RIMBP2: variants seen among roughly 807,000 people sequenced by gnomAD.
RIMBP2 encodes the protein RIMS binding protein 2.
Under a neutral mutation model 118.6 loss-of-function variants are expected in RIMBP2, and 48 were observed. That is an observed-to-expected ratio of 0.40 (90% CI 0.32 to 0.51). The LOEUF is 0.51. RIMBP2 is among the 20% of genes least tolerant of loss of function. RIMBP2 has a pLI of 0.41. For missense variants in RIMBP2, 1,551 were observed against 1,768.3 expected, an observed-to-expected ratio of 0.88 and a Z score of 2.20; for synonymous variants, 762 against 742.9, an observed-to-expected ratio of 1.03 and a Z score of -0.42.
At chr12:130,409,586 G>A (rs968447207) in intron 19 of RIMBP2, among the ~76,000 whole-genome samples, 88 of 152,004 alleles carry the variant, frequency 5.8e-4, no homozygotes, top group African/African-American at 1.9e-3. Flanking sequence ...CTCATGATCC[G>A]CCCACCTCGG....
intron 2 of RIMBP2, among the ~76,000 whole-genome samples, chr12:130,585,746 C>A (rs1049246636): frequency 7.2e-5 from 11 of 152,140 alleles, no homozygotes; most frequent in Non-Finnish European, 1.3e-4. Context: ...GGCACTGAAT[C>A]CAGGCTGCCC....
At chr12:130,427,823 T>C (rs1422431764) in intron 15 of RIMBP2, 1 of 176,892 alleles carries the variant, frequency 5.7e-6, no homozygotes, top group Admixed American at 6.3e-5. Context: ...TAGAGGTTGA[T>C]GCACGCTCTC....
rs2078936686 is a variant in RIMBP2 at position 130,450,776 on chromosome 12, ACGCTGTCCTCTGCCCC to A, written c.504+403_504+418del. Among the ~76,000 whole-genome samples the A allele has an allele frequency of 6.6e-6, 1 of 151,976 alleles. No homozygotes were observed. The highest frequency in any genetic ancestry group is 1.9e-4 in the East Asian group (1 of 5,134). On this transcript the variant is annotated intron_variant, in intron 8 of 22. Coordinates refer to ENST00000690449, the MANE Select transcript of RIMBP2 (RefSeq NM_001393629.1). This position sits in a 1 kb window ranked among gnomAD's most constrained non-coding sequence, Gnocchi z 4.8. Reference sequence around the variant, plus strand: ...ACCTCGGACTCAGACAAAAAGCCAAACGCTGTCCTCTGCCCCCGCCCCCTCTCCAGCCACACCAGCC... The same window carrying A: ...ACCTCGGACTCAGACAAAAAGCCAAACGCCCCCTCTCCAGCCACACCAGCC...
In RIMBP2 at chr12:130,396,964, T is replaced by C. The variant is rs949795016; in HGVS notation, c.*397A>G. The C allele has an allele frequency of 1.9e-5, 3 of 154,570 alleles. No homozygotes were observed. The highest frequency in any genetic ancestry group is 7.2e-5 in the African/African-American group (3 of 41,568). The allele number at this position is 154,570 out of a possible 1,614,324, so 9.6% of individuals were successfully genotyped here. On this transcript the variant is annotated 3_prime_UTR_variant, in exon 23 of 23. Transcript: ENST00000690449. ...AGGAATTTCAAGACCAGAGTCAAAG[T>C]GAAAGTTATGCATTATGAGGCAAGC...
chr12:130,639,382 T>TAA (rs2062502850), intron 1 of RIMBP2, among the ~76,000 whole-genome samples: 2 of 39,124 alleles, frequency 5.1e-5, no homozygotes, highest in East Asian at 1.8e-3. Context: ...AAACTCCATC[T>TAA]TAAAAAAAAA....
chr12:130,582,691 A>G (rs895307388), intron 2 of RIMBP2, among the ~76,000 whole-genome samples: 2 of 152,222 alleles, frequency 1.3e-5, no homozygotes, highest in African/African-American at 2.4e-5. Flanking sequence ...AGAAATGCAC[A>G]TTCTCTGCCC....
intron 2 of RIMBP2, among the ~76,000 whole-genome samples, chr12:130,529,715 A>T (rs1209638597): frequency 1.3e-5 from 2 of 152,214 alleles, no homozygotes; most frequent in Non-Finnish European, 2.9e-5. Flanking sequence ...CATTTTGGGC[A>T]CCAGTGACCA....
At chr12:130,460,702 C>G (rs1025910180) in intron 6 of RIMBP2, among the ~76,000 whole-genome samples, 1 of 152,188 alleles carries the variant, frequency 6.6e-6, no homozygotes, top group African/African-American at 2.4e-5. Context: ...GCAGCAGCAA[C>G]AGCAGGGATA....
At chr12:130,412,115 C>T (rs1419859651) in intron 19 of RIMBP2, among the ~76,000 whole-genome samples, 2 of 151,974 alleles carry the variant, frequency 1.3e-5, no homozygotes, top group Non-Finnish European at 2.9e-5. Flanking sequence ...AATAGTTTTG[C>T]TGCATTCTCA....
chr12:130,400,736 A>T (rs2074457100), intron 21 of RIMBP2, among the ~76,000 whole-genome samples: 1 of 152,206 alleles, frequency 6.6e-6, no homozygotes, highest in Non-Finnish European at 1.5e-5. Flanking sequence ...CTATCTGCTA[A>T]GGGGTTAATA....
Position 130,424,260 on chromosome 12 carries a change from C to T in RIMBP2, c.3011G>A (p.Gly1004Asp), listed in dbSNP as rs550473790. 3.0e-5 allele frequency: 37 copies of T among 1,231,832 alleles called. No individual in the cohort carries two copies. In the South Asian group the frequency reaches 1.4e-3, roughly 45 times the overall value. The allele number at this position is 1,231,832 out of a possible 1,614,324, so 76.3% of individuals were successfully genotyped here. A position where few individuals can be genotyped will look rare whatever the true frequency, so the allele number is the denominator to read the frequency against. Residue 1004 changes from glycine to aspartate, a missense_variant, in exon 16 of 23, where the codon GGC (glycine) becomes GAC (aspartate). Around this residue, in one of 5 missense-constraint regions of RIMBP2, gnomAD observed 1,038 missense variants for 1,125.1 expected, o/e 0.92. Coordinates refer to ENST00000690449, the MANE Select transcript of RIMBP2 (RefSeq NM_001393629.1). This position sits in a 1 kb window ranked among gnomAD's most constrained non-coding sequence, Gnocchi z 9.8. ...AAAATCTTGGTGCTCGGTGGGCTCG[C>T]CCCAGCCGTGCTTCCTGGGGGGCGG... The part of the protein sequence containing the change: ...ERPPPRKHGW[G>D]EPTEHQDFRG...
chr12:130,457,707 CG>C (rs1364044516), intron 6 of RIMBP2, among the ~76,000 whole-genome samples: 1 of 152,254 alleles, frequency 6.6e-6, no homozygotes, highest in African/African-American at 2.4e-5. Flanking sequence ...GCTACACTCT[CG>C]GCCCCAAGCC....
intron 1 of RIMBP2, among the ~76,000 whole-genome samples, chr12:130,628,681 G>A (rs964428258): frequency 1.3e-5 from 2 of 152,066 alleles, no homozygotes; most frequent in Admixed American, 1.3e-4. Flanking sequence ...AAATTTCCTG[G>A]TATGGAACAG....
At chr12:130,580,028 CAAAAAA>C (rs55653381) in intron 2 of RIMBP2, among the ~76,000 whole-genome samples, 45 of 116,496 alleles carry the variant, frequency 3.9e-4, no homozygotes, top group South Asian at 2.4e-3. Flanking sequence ...ACCAAAAATA[CAAAAAA>C]AAAAAAAAAA....
intron 4 of RIMBP2, among the ~76,000 whole-genome samples, chr12:130,498,192 A>C (rs11060951): frequency 1.6e-4 from 17 of 108,648 alleles, no homozygotes; most frequent in Admixed American, 6.9e-4. Context: ...CCGGCTGCCC[A>C]GTCATTCTCC....
At chr12:130,520,669 T>A (rs2051995864) in intron 2 of RIMBP2, among the ~76,000 whole-genome samples, 1 of 78,782 alleles carries the variant, frequency 1.3e-5, no homozygotes, top group Non-Finnish European at 2.3e-5. Flanking sequence ...TGAAACTCCA[T>A]CTCAAAAAAA....
intron 2 of RIMBP2, among the ~76,000 whole-genome samples, chr12:130,520,468 C>G (rs996665544): frequency 1.3e-5 from 2 of 151,928 alleles, no homozygotes; most frequent in African/African-American, 4.8e-5. Flanking sequence ...AGTTCAAGAC[C>G]AGCCTGGTCA....
At chr12:130,459,331 T>C (rs1423908262) in intron 6 of RIMBP2, among the ~76,000 whole-genome samples, 1 of 148,466 alleles carries the variant, frequency 6.7e-6, no homozygotes, top group Non-Finnish European at 1.5e-5. Context: ...AGAAAGCAAG[T>C]AAATTCCCCA....
chr12:130,529,728 T>A (rs1368312789), intron 2 of RIMBP2, among the ~76,000 whole-genome samples: 1 of 152,204 alleles, frequency 6.6e-6, no homozygotes, highest in African/African-American at 2.4e-5. Flanking sequence ...AGTGACCAGC[T>A]TCACGGAAGA....
Sources: allele counts gnomAD v4.1 joint callset (sites outside exome capture counted in the v4.1 genomes callset), GRCh38; gene constraint gnomAD v4.1.1; regional missense constraint gnomAD v4.1.1; non-coding constraint Gnocchi (gnomAD v3.1); transcripts MANE v1.5; gene names NCBI Gene and HGNC (gene_info 2026-07-23, HGNC 2026-07-21).